The following OPA3 variants were observed in gnomAD, a reference collection of about 807,000 sequenced individuals.
OPA3 encodes outer mitochondrial membrane lipid metabolism regulator OPA3.
OPA3 carries 6 observed loss-of-function variants against 4.0 expected under a neutral mutation model. The ratio of observed to expected loss-of-function variants is 1.51; its 90% CI spans 0.83 to 2.99. The LOEUF (loss-of-function observed/expected upper bound fraction) is 2.99. OPA3 is among the 30% of genes most tolerant of loss of function. The probability of loss-of-function intolerance (pLI) is 0.00; values close to 1 mark genes in which losing one functional copy is unlikely to be tolerated. For synonymous variants in OPA3, 105 were observed against 117.1 expected (o/e 0.90, Z 0.67); for missense variants, 235 against 256.2 (o/e 0.92, Z 0.56).
At chr19:45,573,888 T>G (rs561097505) in intron 1 of OPA3, among the ~76,000 whole-genome samples, 13 of 152,040 alleles carry the variant, frequency 8.6e-5, no homozygotes, top group South Asian at 2.1e-4. Flanking sequence ...TCCGGCTGGG[T>G]GCGGTGGCTC....
At chr19:45,535,700 A>G (rs1969107813) in intron 1 of OPA3, among the ~76,000 whole-genome samples, 1 of 151,696 alleles carries the variant, frequency 6.6e-6, no homozygotes, top group Non-Finnish European at 1.5e-5. Flanking sequence ...TTTGTTTATA[A>G]ATTATTTTAA....
intron 1 of OPA3, among the ~76,000 whole-genome samples, chr19:45,563,853 CTT>C (rs772674145): frequency 2.7e-4 from 38 of 141,146 alleles, no homozygotes; most frequent in Non-Finnish European, 2.9e-4. Context: ...CGCGCCCGGC[CTT>C]TTTTTTTTTT....
intron 1 of OPA3, 24 bp downstream of exon 1, chr19:45,584,599 G>A (rs778382919): frequency 1.2e-6 from 2 of 1,614,176 alleles, no homozygotes; most frequent in Admixed American, 3.3e-5. Context: ...GAAAAAGGTT[G>A]GAGGGAATTC....
intron 1 of OPA3, among the ~76,000 whole-genome samples, chr19:45,533,738 C>G (rs116948137): frequency 0.017 from 2,522 of 152,298 alleles, 31 homozygotes; most frequent in Non-Finnish European, 0.024. Flanking sequence ...GGGAGGGGCC[C>G]TCTTGGTGGC....
intron 1 of OPA3, among the ~76,000 whole-genome samples, chr19:45,566,761 A>G (rs897469447): frequency 2.6e-5 from 4 of 152,162 alleles, no homozygotes; most frequent in Non-Finnish European, 5.9e-5. Context: ...GGCGTGAGCC[A>G]CCGCACCTGG....
rs867842989 is a variant in OPA3 at position 45,553,707 on chromosome 19, C to T, written c.347G>A (p.Arg116His). ...GTCCCGCAGCGCGTTCCAGGCAGCA[C>T]GCTGCTCCTCCTCCTTGTGGCGCTG... Reference protein sequence around the residue: ...AQQRHKEEEQRAAWNALRDEV... With the variant: ...AQQRHKEEEQHAAWNALRDEV... The change falls in exon 2 of 2, where the codon CGT becomes CAT. Residue 116 changes from arginine (R) to histidine (H), a missense_variant. Coordinates refer to ENST00000263275, the MANE Select transcript of OPA3 (RefSeq NM_025136.4). 2 of 1,608,476 alleles carry T rather than the reference C, an allele frequency of 1.2e-6. No individual in the cohort carries two copies. Among genetic ancestry groups the T allele is most frequent in the Non-Finnish European group, 8.5e-7 (1 of 1,179,204 alleles).
intron 1 of OPA3, among the ~76,000 whole-genome samples, chr19:45,556,911 C>T (rs1006120290): frequency 2.6e-5 from 4 of 152,230 alleles, no homozygotes; most frequent in Non-Finnish European, 2.9e-5. Context: ...CCCGGGGCTC[C>T]GCCACCTGCT....
At position 45,553,563 on chromosome 19, in the gene OPA3, C is replaced by A; in HGVS notation, c.491G>T (p.Cys164Phe). 6.2e-7 allele frequency: 1 copy of A among 1,613,192 alleles called. No homozygotes were observed. Among genetic ancestry groups the A allele is most frequent in the Non-Finnish European group, 8.5e-7 (1 of 1,179,992 alleles). The part of the protein sequence containing the change: ...TELQEVRAQL[C>F]NPGRSASHAV... The stretch of plus-strand genomic sequence containing the variant: ...GTGGGAAGCGGACCGGCCGGGATTG[C>A]AGAGCTGGGCGCGCACCTCTTGCAG... The change falls in exon 2 of 2, where the codon TGC (cysteine) becomes TTC (phenylalanine). Residue 164 changes from cysteine to phenylalanine, a missense_variant. Coordinates refer to ENST00000263275, the MANE Select transcript of OPA3 (RefSeq NM_025136.4).
At chr19:45,556,038 A>G (rs1422079766) in intron 1 of OPA3, among the ~76,000 whole-genome samples, 3 of 152,218 alleles carry the variant, frequency 2.0e-5, no homozygotes, top group Non-Finnish European at 2.9e-5. Flanking sequence ...TGAACATGTC[A>G]GTATCATAAC....
At position 45,537,410 on chromosome 19, in the gene OPA3, A is replaced by AAAAAAAAAAAACAAG. The variant is rs1555730889; in HGVS notation, c.143-7955_143-7954insCTTGTTTTTTTTTTT. On this transcript the variant is annotated intron_variant, in intron 1 of 1. Transcript: ENST00000323060. ...AGACTCTGTCTCAAAAAAAAAAAAAAAAAAAAAAAAAACAAGAAAAGAACT... is the reference window on the plus strand; with the variant it reads ...AGACTCTGTCTCAAAAAAAAAAAAAAAAAAAAAAAAACAAGAAAAAAAAAAAACAAGAAAAGAACT... Among the ~76,000 whole-genome samples the AAAAAAAAAAAACAAG allele has an allele frequency of 3.4e-3, 411 of 120,062 alleles. 37 individuals are homozygous for AAAAAAAAAAAACAAG. The highest frequency in any genetic ancestry group is 9.6e-3 in the African/African-American group (290 of 30,296). The allele number at this position is 120,062 out of a possible 152,430, so 78.8% of individuals were successfully genotyped here. A position where few individuals can be genotyped will look rare whatever the true frequency, so the allele number is the denominator to read the frequency against.
chr19:45,532,529 C>T (rs1038698682), intron 1 of OPA3, among the ~76,000 whole-genome samples: 2 of 152,022 alleles, frequency 1.3e-5, no homozygotes, highest in African/African-American at 2.4e-5. Context: ...CTTCTCCTAC[C>T]CCTTCCCAGT....
intron 1 of OPA3, among the ~76,000 whole-genome samples, chr19:45,567,663 A>C (rs1969603878): frequency 1.3e-5 from 2 of 152,098 alleles, no homozygotes; most frequent in South Asian, 4.1e-4. Context: ...ACTATATCTC[A>C]ACAAAGAATA....
At chr19:45,583,853 C>T (rs528692124) in intron 1 of OPA3, among the ~76,000 whole-genome samples, 29 of 152,332 alleles carry the variant, frequency 1.9e-4, no homozygotes, top group African/African-American at 7.0e-4. Flanking sequence ...GGCAGCCCTG[C>T]TGGCCTCAGG....
intron 1 of OPA3, among the ~76,000 whole-genome samples, chr19:45,564,885 T>G (rs1357035258): frequency 6.6e-6 from 1 of 152,214 alleles, no homozygotes; most frequent in Admixed American, 6.5e-5. Flanking sequence ...GAAACAAAAA[T>G]GTATCTATAA....
Position 45,546,285 on chromosome 19 carries a change from G to A in OPA3, c.*7229C>T. The A allele has an allele frequency of 2.1e-6, 1 of 473,912 alleles. No homozygotes were observed. Among genetic ancestry groups the A allele is most frequent in the Non-Finnish European group, 2.8e-6 (1 of 363,106 alleles). 29.4% of individuals were successfully genotyped at this position (473,912 alleles called of 1,614,324 possible). A position where few individuals can be genotyped will look rare whatever the true frequency, so the allele number is the denominator to read the frequency against. On this transcript the variant is annotated 3_prime_UTR_variant, in exon 2 of 2. Coordinates refer to ENST00000263275, the MANE Select transcript of OPA3 (RefSeq NM_025136.4). ...TATTAAACCGGGCTGCAAATATTAA[G>A]GGTAATTATTTAATGAAACTTTCAT...
intron 1 of OPA3, among the ~76,000 whole-genome samples, chr19:45,534,288 G>C (rs901667251): frequency 1.3e-5 from 2 of 152,110 alleles, no homozygotes; most frequent in African/African-American, 4.8e-5. Flanking sequence ...GAGGCCAGGC[G>C]CTGTGGCTCA....
chr19:45,579,453 T>TC (rs1220029005), intron 1 of OPA3, among the ~76,000 whole-genome samples: 3 of 152,014 alleles, frequency 2.0e-5, no homozygotes, highest in Non-Finnish European at 4.4e-5. Context: ...ACTCCTGACC[T>TC]CAAGTGATGC....
In OPA3 at chr19:45,584,616, GACTC is replaced by G. The variant is rs1361068665; in HGVS notation, c.142+3_142+6del. 6.2e-7 allele frequency: 1 copy of G among 1,614,116 alleles called. No individual in the cohort carries two copies. Among genetic ancestry groups the G allele is most frequent in the African/African-American group, 1.3e-5 (1 of 74,944 alleles). ...AAAAGGTTGGAGGGAATTCGGGTCA[GACTC>G]ACGTTGAGCCGGCGGGAGGCAGATA... On this transcript the variant is annotated splice_donor_5th_base_variant and intron_variant, in intron 1 of 1. Coordinates refer to ENST00000263275, the MANE Select transcript of OPA3 (RefSeq NM_025136.4).
exon 2 of OPA3, chr19:45,527,772 A>G (rs1969008733): frequency 1.3e-5 from 2 of 152,140 alleles, no homozygotes. Context: ...CGTTCTTAAG[A>G]TCTTTACCCC....
Sources: gnomAD v4.1 joint callset for allele counts (sites outside exome capture counted in the v4.1 genomes callset) on GRCh38, gnomAD v4.1.1 for gene constraint, MANE v1.5 for transcripts, NCBI Gene and HGNC (gene_info 2026-07-23, HGNC 2026-07-21) for gene names.